PCDHA4: variants seen among roughly 807,000 people sequenced by gnomAD.
PCDHA4 encodes protocadherin alpha 4, also known as protocadherin alpha-4.
PCDHA4 carries 49 observed loss-of-function variants against 61.4 expected under a neutral mutation model. The observed-to-expected ratio is 0.80, with a 90% confidence interval of 0.63 to 1.01. The LOEUF is 1.01. Among genes scored for constraint, PCDHA4 ranks in the 50% least tolerant of loss-of-function variants. The pLI is 0.00. For missense variants in PCDHA4, 1,254 were observed against 1,235.8 expected, an observed-to-expected ratio of 1.01 and a Z score of -0.22; for synonymous variants, 590 against 550.3, an observed-to-expected ratio of 1.07 and a Z score of -1.01.
intron 1 of PCDHA4, among the ~76,000 whole-genome samples, chr5:140,913,589 T>G (rs1342360734): frequency 6.6e-6 from 1 of 152,168 alleles, no homozygotes; most frequent in Non-Finnish European, 1.5e-5. Context: ...TATTTCTGCT[T>G]TGATCTTTAT....
In PCDHA4 at chr5:140,808,153, C is replaced by T; in HGVS notation, c.966C>T (p.Gly322=). 1 of 1,614,034 alleles carries T rather than the reference C, an allele frequency of 6.2e-7. No individual in the cohort carries two copies. The highest frequency in any genetic ancestry group is 8.5e-7 in the Non-Finnish European group (1 of 1,179,902). Reference sequence around the variant, plus strand: ...AATCCTATGAAATTATTGTAGAGGGCATTGATAAGGGACAGCTCCCACTTT... The same window carrying T: ...AATCCTATGAAATTATTGTAGAGGGTATTGATAAGGGACAGCTCCCACTTT... ...ESKSYEIIVE[G]IDKGQLPLSG... The change falls in exon 1 of 4, where the codon GGC becomes GGT. Residue 322 remains glycine, a synonymous_variant. Coordinates refer to ENST00000530339, the MANE Select transcript of PCDHA4 (RefSeq NM_018907.4).
intron 1 of PCDHA4, among the ~76,000 whole-genome samples, chr5:140,901,384 T>C (rs2068629478): frequency 6.6e-6 from 1 of 152,226 alleles, no homozygotes. Flanking sequence ...TAATTCAATA[T>C]TTGTATATGG....
chr5:140,929,232 G>A lies in PCDHA4; in HGVS notation c.2386-49717G>A, dbSNP rs782109734. On this transcript the variant is annotated intron_variant, in intron 1 of 3. Coordinates refer to ENST00000530339, the MANE Select transcript of PCDHA4 (RefSeq NM_018907.4). ...GTGGGGAGTACAATGCTGCCGACCTGCGAAATCTTGCCACTGGGGTAGGAC... is the reference window on the plus strand; with the variant it reads ...GTGGGGAGTACAATGCTGCCGACCTACGAAATCTTGCCACTGGGGTAGGAC... 2.5e-6 allele frequency: 4 copies of A among 1,613,756 alleles called. No individual in the cohort carries two copies. In the Admixed American group the frequency reaches 5.0e-5, roughly 20 times the overall value.
intron 1 of PCDHA4, among the ~76,000 whole-genome samples, chr5:140,892,867 A>G (rs1452797610): frequency 1.3e-5 from 2 of 152,150 alleles, no homozygotes; most frequent in African/African-American, 4.8e-5. Context: ...CTGTGTAGCT[A>G]TAATTTCGTA....
intron 1 of PCDHA4, chr5:140,869,245 A>G: frequency 1.2e-6 from 2 of 1,613,628 alleles, no homozygotes; most frequent in Non-Finnish European, 1.7e-6. Context: ...CGTGGGCCGC[A>G]TCGCGCAGGA....
chr5:140,897,311 C>T (rs1460942002), intron 1 of PCDHA4, among the ~76,000 whole-genome samples: 7 of 150,308 alleles, frequency 4.7e-5, no homozygotes, highest in Non-Finnish European at 7.4e-5. Context: ...TTAGGTATAT[C>T]TCCTAAAGCT....
At chr5:140,905,986 T>G (rs2072268646) in intron 1 of PCDHA4, among the ~76,000 whole-genome samples, 1 of 152,198 alleles carries the variant, frequency 6.6e-6, no homozygotes, top group Non-Finnish European at 1.5e-5. Flanking sequence ...GGGAGAAAGA[T>G]GTAGGCTGGG....
At chr5:140,854,178 A>AAATT in intron 1 of PCDHA4, 2 of 531,176 alleles carry the variant, frequency 3.8e-6, no homozygotes, top group Non-Finnish European at 4.8e-6. Flanking sequence ...AAAAAAAAAG[A>AAATT]GTAGTTTAAC....
intron 1 of PCDHA4, chr5:140,884,715 AGTT>A: frequency 6.8e-7 from 1 of 1,470,936 alleles, no homozygotes; most frequent in Non-Finnish European, 9.0e-7. Context: ...CCTTCCTTGC[AGTT>A]GTTTGTTTAA....
At chr5:140,839,763 C>A (rs1052190502) in intron 1 of PCDHA4, among the ~76,000 whole-genome samples, 1 of 151,896 alleles carries the variant, frequency 6.6e-6, no homozygotes, top group Non-Finnish European at 1.5e-5. Flanking sequence ...ATTTAACCTA[C>A]GTTTTTGGTA....
intron 1 of PCDHA4, among the ~76,000 whole-genome samples, chr5:140,901,744 A>G (rs781984509): frequency 1.3e-5 from 2 of 152,144 alleles, no homozygotes; most frequent in Non-Finnish European, 2.9e-5. Context: ...AAGAATGTCC[A>G]TGGTATTTTG....
At chr5:140,812,240 A>G (rs1765070291) in intron 1 of PCDHA4, 1 of 151,674 alleles carries the variant, frequency 6.6e-6, no homozygotes, top group African/African-American at 2.4e-5. Context: ...ATGTCTTGGT[A>G]GTTTGTATGT....
intron 1 of PCDHA4, among the ~76,000 whole-genome samples, chr5:140,898,520 G>A (rs1583310662): frequency 6.6e-6 from 1 of 152,298 alleles, no homozygotes; most frequent in East Asian, 1.9e-4. Context: ...CGTTATTTCT[G>A]AGGGCTCTGT....
intron 1 of PCDHA4, among the ~76,000 whole-genome samples, chr5:140,901,849 A>AT (rs1167488433): frequency 2.0e-5 from 3 of 151,932 alleles, no homozygotes; most frequent in Non-Finnish European, 4.4e-5. Context: ...ATATCTTTCC[A>AT]TTTTTTTGTG....
At chr5:140,843,030 T>C in intron 1 of PCDHA4, 1 of 1,594,962 alleles carries the variant, frequency 6.3e-7, no homozygotes, top group African/African-American at 1.3e-5. Flanking sequence ...GAGCCTCGGG[T>C]GGGTGGCACT....
intron 1 of PCDHA4, chr5:140,825,598 A>G (rs1581824463): frequency 6.6e-6 from 1 of 151,392 alleles, no homozygotes; most frequent in Admixed American, 6.6e-5. Context: ...AATTTTTTGT[A>G]TTTACTAGAG....
At chr5:140,982,795 AT>A (rs2097005249) in intron 3 of PCDHA4, among the ~76,000 whole-genome samples, 1 of 151,516 alleles carries the variant, frequency 6.6e-6, no homozygotes, top group African/African-American at 2.4e-5. Flanking sequence ...GCATGTGTGC[AT>A]GTGTGTGTGT....
At chr5:140,861,581 T>C (rs1243387936) in intron 1 of PCDHA4, 6 of 358,060 alleles carry the variant, frequency 1.7e-5, no homozygotes, top group East Asian at 7.9e-5. Flanking sequence ...AGGTTTTCCA[T>C]GTGGAGGTGA....
chr5:140,896,366 C>T (rs905088200), intron 1 of PCDHA4, among the ~76,000 whole-genome samples: 1 of 152,090 alleles, frequency 6.6e-6, no homozygotes, highest in Non-Finnish European at 1.5e-5. Context: ...TATAAGCATT[C>T]CCTTTTCTCT....
Sources: gnomAD v4.1 joint callset for allele counts (sites outside exome capture counted in the v4.1 genomes callset) on GRCh38, gnomAD v4.1.1 for gene constraint, MANE v1.5 for transcripts, NCBI Gene and HGNC (gene_info 2026-07-23, HGNC 2026-07-21) for gene names.